CDK2AP1: variants seen among roughly 807,000 people sequenced by gnomAD.
CDK2AP1 encodes cyclin-dependent kinase 2-associated protein 1.
CDK2AP1 carries 10 observed loss-of-function variants against 14.1 expected under a neutral mutation model. The ratio of observed to expected loss-of-function variants is 0.71; its 90% CI spans 0.44 to 1.20. The LOEUF is 1.20. CDK2AP1 is among the 50% of genes most tolerant of loss of function. The pLI is 0.00. For missense variants in CDK2AP1, 102 were observed against 149.9 expected (o/e 0.68, Z 1.67); for synonymous variants, 59 against 59.8 (o/e 0.99, Z 0.06).
intron 3 of CDK2AP1, among the ~76,000 whole-genome samples, chr12:123,263,981 G>A (rs1300308102): frequency 6.6e-6 from 1 of 152,112 alleles, no homozygotes; most frequent in African/African-American, 2.4e-5. Context: ...AGTGGCGCAC[G>A]CCTGTAGTCC....
At chr12:123,271,507 G>T in intron 1 of CDK2AP1, 57 bp downstream of exon 1, 1 of 964,460 alleles carries the variant, frequency 1.0e-6, no homozygotes, top group Non-Finnish European at 1.2e-6. Flanking sequence ...GCCGGGGCCG[G>T]GCGCGCGGAC....
rs2048278822 is a variant in CDK2AP1 at position 123,265,337 on chromosome 12, A to C, written c.154-15T>G. 6.2e-7 allele frequency: 1 copy of C among 1,613,860 alleles called. No individual in the cohort carries two copies. Among genetic ancestry groups the C allele is most frequent in the Middle Eastern group, 1.6e-4 (1 of 6,062 alleles). On this transcript the variant is annotated splice_polypyrimidine_tract_variant and intron_variant, in intron 2 of 3. Transcript: ENST00000261692. This position sits in a 1 kb window ranked among gnomAD's most constrained non-coding sequence, Gnocchi z 5.3. ...TTCCCAGTTCCCTAGAATCAGAAAG[A>C]AATGGGTTCAGCAAAATCAGCCGGG...
intron 1 of CDK2AP1, chr12:123,268,194 C>T (rs1197958512): frequency 9.1e-6 from 9 of 985,550 alleles, no homozygotes; most frequent in Non-Finnish European, 9.6e-6. Flanking sequence ...AGCTGCCCGC[C>T]TGCCGCCCCC....
At chr12:123,270,152 G>C (rs1396073688) in intron 1 of CDK2AP1, 2 of 948,736 alleles carry the variant, frequency 2.1e-6, no homozygotes, top group East Asian at 2.3e-4. Flanking sequence ...ACAGGCCAGA[G>C]GAAGAAGGCT....
At chr12:123,268,904 A>G (rs144502927) in intron 1 of CDK2AP1, among the ~76,000 whole-genome samples, 61 of 152,296 alleles carry the variant, frequency 4.0e-4, no homozygotes, top group African/African-American at 1.4e-3. Flanking sequence ...CTGCCGGCAC[A>G]GACCTGGGTT....
At chr12:123,262,701 G>A (rs1254492614) in intron 3 of CDK2AP1, among the ~76,000 whole-genome samples, 4 of 152,090 alleles carry the variant, frequency 2.6e-5, no homozygotes, top group African/African-American at 9.7e-5. Flanking sequence ...TCAGCCTCCG[G>A]AGAAGCTGGG....
intron 2 of CDK2AP1, among the ~76,000 whole-genome samples, chr12:123,266,368 C>T (rs377491947): frequency 6.6e-6 from 1 of 152,260 alleles, no homozygotes; most frequent in Non-Finnish European, 1.5e-5. Flanking sequence ...CAGCCGGTCC[C>T]GCTCACAGGC....
intron 1 of CDK2AP1, chr12:123,270,941 G>A (rs2048348216): frequency 1.5e-5 from 15 of 985,074 alleles, no homozygotes; most frequent in Non-Finnish European, 1.7e-5. Flanking sequence ...CACGCTCCCG[G>A]CCGAGGCCCC....
intron 1 of CDK2AP1, among the ~76,000 whole-genome samples, chr12:123,270,440 G>C (rs1029151273): frequency 6.6e-6 from 1 of 152,116 alleles, no homozygotes; most frequent in African/African-American, 2.4e-5. Flanking sequence ...CAAAACTCGA[G>C]CAGGAGAGCC....
chr12:123,267,203 C>A lies in CDK2AP1; in HGVS notation c.135G>T (p.Pro45=). 3.7e-6 allele frequency: 6 copies of A among 1,609,732 alleles called. No homozygotes were observed. The highest frequency in any genetic ancestry group is 5.1e-6 in the Non-Finnish European group (6 of 1,176,148). The part of the protein sequence containing the change: ...YRQLLSDYGP[P]SLGYTQGTGN... ...GACATACCTGGGTGTAGCCTAGGGA[C>A]GGTGGCCCGTAGTCACTGAGCAGCT... Residue 45 remains proline (P), a synonymous_variant, in exon 2 of 4, where the codon CCG becomes CCT. Transcript: ENST00000261692.
At chr12:123,269,033 TC>T (rs2048328653) in intron 1 of CDK2AP1, 2 of 152,376 alleles carry the variant, frequency 1.3e-5, no homozygotes, top group East Asian at 3.9e-4. Context: ...GCTGGCCACT[TC>T]CCACGCACCC....
At chr12:123,270,132 T>TG in intron 1 of CDK2AP1, 1 of 796,702 alleles carries the variant, frequency 1.3e-6, no homozygotes, top group Non-Finnish European at 1.5e-6. Context: ...CACCAGCCCC[T>TG]GCCCTCCCCA....
intron 1 of CDK2AP1, 84 bp downstream of exon 1, chr12:123,271,480 G>T (rs1566006944): frequency 2.7e-6 from 2 of 744,910 alleles, no homozygotes; most frequent in Non-Finnish European, 3.3e-6. Context: ...CTCCGCGGGC[G>T]CCCCGGGCAT....
rs2048275142 is a variant in CDK2AP1, at chr12:123,265,010, G to A, written c.280+186C>T. ...CCTCTGAAGACATCCAGCCCCCCAGGCCCCTCGCTACCAGACCCATCGCCT... is the reference window on the plus strand; with the variant it reads ...CCTCTGAAGACATCCAGCCCCCCAGACCCCTCGCTACCAGACCCATCGCCT... On this transcript the variant is annotated intron_variant, in intron 3 of 3. Coordinates refer to ENST00000261692, the MANE Select transcript of CDK2AP1 (RefSeq NM_004642.4). This position sits in a 1 kb window ranked among gnomAD's most constrained non-coding sequence, Gnocchi z 5.3. Among the ~76,000 whole-genome samples the A allele has an allele frequency of 1.3e-5, 2 of 152,116 alleles. No individual in the cohort carries two copies. The highest frequency in any genetic ancestry group is 2.1e-4 in the South Asian group (1 of 4,832).
chr12:123,268,380 C>A (rs973172569), intron 1 of CDK2AP1: 9 of 222,808 alleles, frequency 4.0e-5, no homozygotes, highest in Non-Finnish European at 6.8e-5. Context: ...GGGAGGAGCA[C>A]TGGAGAACCC....
At chr12:123,270,927 C>T in intron 1 of CDK2AP1, 1 of 985,298 alleles carries the variant, frequency 1.0e-6, no homozygotes, top group Non-Finnish European at 1.2e-6. Flanking sequence ...GTAGCCCCTG[C>T]TCCCACGCTC....
rs528869237 is a variant in CDK2AP1 at position 123,263,971 on chromosome 12, A to G, written c.280+1225T>C. ...AAAAATACAAAAATTAGCTGGGTAT[A>G]GTGGCGCACGCCTGTAGTCCCAACT... On this transcript the variant is annotated intron_variant, in intron 3 of 3. Coordinates refer to ENST00000261692, the MANE Select transcript of CDK2AP1 (RefSeq NM_004642.4). 2.0e-5 allele frequency among the ~76,000 whole-genome samples: 3 copies of G among 152,236 alleles called. No homozygotes were observed. The East Asian group carries it at 5.8e-4, about 30-fold the overall frequency.
In CDK2AP1 at chr12:123,265,747, A is replaced by G. The variant is rs1226261559; in HGVS notation, c.154-425T>C. 6.6e-6 allele frequency among the ~76,000 whole-genome samples: 1 copy of G among 152,098 alleles called. No individual in the cohort carries two copies. Among genetic ancestry groups the G allele is most frequent in the Non-Finnish European group, 1.5e-5 (1 of 68,010 alleles). On this transcript the variant is annotated intron_variant, in intron 2 of 3. Coordinates refer to ENST00000261692, the MANE Select transcript of CDK2AP1 (RefSeq NM_004642.4). This position sits in a 1 kb window ranked among gnomAD's most constrained non-coding sequence, Gnocchi z 5.3. ...CCAGTCGTCTCCAGGAAGCAACTTT[A>G]TTATCTCCAATGAACAAAACAGGGG...
intron 2 of CDK2AP1, among the ~76,000 whole-genome samples, chr12:123,266,549 G>A (rs1169282058): frequency 6.6e-6 from 1 of 152,266 alleles, no homozygotes; most frequent in Non-Finnish European, 1.5e-5. Context: ...ATCCCTTGGA[G>A]ATGTAGGGTG....
Sources: allele counts gnomAD v4.1 joint callset (sites outside exome capture counted in the v4.1 genomes callset), GRCh38; gene constraint gnomAD v4.1.1; non-coding constraint Gnocchi (gnomAD v3.1); transcripts MANE v1.5; gene names NCBI Gene and HGNC (gene_info 2026-07-23, HGNC 2026-07-21).